The following ZNF699 variants were observed in gnomAD, a reference collection of about 807,000 sequenced individuals.
The protein encoded by ZNF699 is zinc finger protein 699.
ZNF699 carries 18 observed loss-of-function variants against 22.5 expected under a neutral mutation model. That is an observed-to-expected ratio of 0.80 (90% CI 0.55 to 1.19). The LOEUF is 1.19. Among genes scored for constraint, ZNF699 ranks in the 50% most tolerant of loss-of-function variants. The probability of loss-of-function intolerance (pLI) is 0.00; values close to 1 mark genes in which losing one functional copy is unlikely to be tolerated. For synonymous variants in ZNF699, 241 were observed against 262.3 expected (o/e 0.92, Z 0.78); for missense variants, 670 against 763.4 (o/e 0.88, Z 1.44).
intron 1 of ZNF699, among the ~76,000 whole-genome samples, chr19:9,306,291 C>T (rs994746103): frequency 1.6e-4 from 24 of 151,906 alleles, no homozygotes; most frequent in African/African-American, 5.3e-4. Flanking sequence ...ACTCAGGAGG[C>T]TGAGGCAGGA....
Position 9,297,984 on chromosome 19 carries a change from G to A in ZNF699, c.182C>T (p.Pro61Leu), listed in dbSNP as rs201119977. 1,249 of 1,605,518 alleles carry A rather than the reference G, an allele frequency of 7.8e-4. 1 individual carries two copies. Among genetic ancestry groups the A allele is most frequent in the Non-Finnish European group, 9.6e-4 (1,131 of 1,173,276 alleles). The change falls in exon 4 of 6, where the codon CCG becomes CTG. Residue 61 changes from proline (P) to leucine (L), a missense_variant. Pro to Leu is a moderately conservative substitution (Grantham distance 98). Transcript: ENST00000591998. The surrounding 1 kb of genome is among the most constrained non-coding windows in gnomAD (Gnocchi z 4.3). ...GGAGATCAGATGGGGTGTGTGTAGC[G>A]GATACCCTGCACAAGCAGAAAGGCA... The part of the protein sequence containing the change: ...NFQNLASLGY[P>L]LHTPHLISQW...
rs147830909 is a variant in ZNF699, at chr19:9,292,607, T to G, written c.*2868A>C. Among the ~76,000 whole-genome samples, 1 of 152,250 alleles carries G rather than the reference T, an allele frequency of 6.6e-6. No homozygotes were observed. Among genetic ancestry groups the G allele is most frequent in the East Asian group, 1.9e-4 (1 of 5,190 alleles). On this transcript the variant is annotated 3_prime_UTR_variant, in exon 6 of 6. Coordinates refer to ENST00000591998, the MANE Select transcript of ZNF699 (RefSeq NM_198535.3). ...CTCGTTATACCCAAGGACTTTTTAG[T>G]AATAAATTATTTAAACCAACAAATT...
Position 9,302,303 on chromosome 19 carries a change from T to A in ZNF699, c.175+75A>T. The A allele has an allele frequency of 2.6e-6, 4 of 1,564,166 alleles. No homozygotes were observed. The South Asian group carries it at 4.5e-5, about 17-fold the overall frequency. On this transcript the variant is annotated intron_variant, in intron 3 of 5. Coordinates refer to ENST00000591998, the MANE Select transcript of ZNF699 (RefSeq NM_198535.3). ...ATGTCTTCCCATTCCTCAGCCCAAA[T>A]CCTAGAATAAAGTCAATTTAGTGAG...
At chr19:9,298,620 AG>A (rs1481253052) in intron 3 of ZNF699, among the ~76,000 whole-genome samples, 1 of 152,194 alleles carries the variant, frequency 6.6e-6, no homozygotes, top group East Asian at 1.9e-4. Flanking sequence ...TCTTGGATAA[AG>A]TTACTCTGAA....
At chr19:9,306,000 C>A (rs2066326447) in intron 1 of ZNF699, among the ~76,000 whole-genome samples, 1 of 148,948 alleles carries the variant, frequency 6.7e-6, no homozygotes, top group African/African-American at 2.4e-5. Context: ...CCGCGCCTGG[C>A]CAAGCATCAG....
At chr19:9,301,645 A>T (rs894895610) in intron 3 of ZNF699, among the ~76,000 whole-genome samples, 8 of 152,226 alleles carry the variant, frequency 5.3e-5, no homozygotes, top group African/African-American at 9.6e-5. Context: ...TTACTAGGAC[A>T]TGTAAGAGGC....
chr19:9,308,029 A>G (rs891854306), intron 1 of ZNF699, among the ~76,000 whole-genome samples: 1 of 152,176 alleles, frequency 6.6e-6, no homozygotes, highest in Non-Finnish European at 1.5e-5. Context: ...AAGTTTAGAA[A>G]GAAAATAGAA....
chr19:9,302,561 A>T (rs2066311706), intron 2 of ZNF699, 57 bp from the exon 3 acceptor site: 6 of 1,516,582 alleles, frequency 4.0e-6, no homozygotes, highest in African/African-American at 1.4e-5. Context: ...TGTGTACAAG[A>T]GGACAGATGA....
At chr19:9,301,641 G>C (rs1249189465) in intron 3 of ZNF699, among the ~76,000 whole-genome samples, 1 of 152,164 alleles carries the variant, frequency 6.6e-6, no homozygotes, top group Non-Finnish European at 1.5e-5. Flanking sequence ...CATCTTACTA[G>C]GACATGTAAG....
chr19:9,295,964 A>G lies in ZNF699; in HGVS notation c.1440T>C (p.Cys480=). ...ATGAGGAACGACTAAAGGTCTTCCC[A>G]CACTCCTTACATTCATACTGTATCT... The part of the protein sequence containing the change: ...TGKIQYECKE[C]GKTFSRSSSL... Residue 480 remains cysteine, a synonymous_variant, in exon 6 of 6, where the codon TGT becomes TGC. Transcript: ENST00000591998. The G allele has an allele frequency of 6.2e-7, 1 of 1,614,084 alleles. No homozygotes were observed. Among genetic ancestry groups the G allele is most frequent in the Non-Finnish European group, 8.5e-7 (1 of 1,180,036 alleles).
chr19:9,293,404 T>C lies in ZNF699; in HGVS notation c.*2071A>G, dbSNP rs1311693145. ...ATACCTACCAAAACTAAATTTAAAGTCTACCCTATGATTCAGTAAATTCAT... is the reference window on the plus strand; with the variant it reads ...ATACCTACCAAAACTAAATTTAAAGCCTACCCTATGATTCAGTAAATTCAT... On this transcript the variant is annotated 3_prime_UTR_variant, in exon 6 of 6. Coordinates refer to ENST00000591998, the MANE Select transcript of ZNF699 (RefSeq NM_198535.3). Among the ~76,000 whole-genome samples the C allele has an allele frequency of 6.6e-6, 1 of 152,178 alleles. No homozygotes were observed. Among genetic ancestry groups the C allele is most frequent in the South Asian group, 2.1e-4 (1 of 4,832 alleles).
At chr19:9,307,629 A>G (rs2144985891) in intron 1 of ZNF699, among the ~76,000 whole-genome samples, 1 of 152,228 alleles carries the variant, frequency 6.6e-6, no homozygotes, top group African/African-American at 2.4e-5. Context: ...ATATATTTAT[A>G]AGCATTATCA....
At chr19:9,304,366 C>T (rs932914323) in intron 2 of ZNF699, among the ~76,000 whole-genome samples, 3 of 151,744 alleles carry the variant, frequency 2.0e-5, no homozygotes, top group Non-Finnish European at 2.9e-5. Flanking sequence ...AAAAATACAC[C>T]GAGAGAAAAG....
intron 1 of ZNF699, among the ~76,000 whole-genome samples, chr19:9,308,013 G>A (rs1448538845): frequency 6.6e-6 from 1 of 150,778 alleles, no homozygotes; most frequent in Non-Finnish European, 1.5e-5. Context: ...ATAAAGACCA[G>A]CATAAAAGTT....
At chr19:9,303,564 C>T (rs1181180299) in intron 2 of ZNF699, among the ~76,000 whole-genome samples, 1 of 152,178 alleles carries the variant, frequency 6.6e-6, no homozygotes, top group Non-Finnish European at 1.5e-5. Flanking sequence ...AACCACCACA[C>T]GTCCAGCTAT....
intron 3 of ZNF699, among the ~76,000 whole-genome samples, chr19:9,299,682 A>T (rs2066300043): frequency 6.6e-6 from 1 of 152,180 alleles, no homozygotes; most frequent in African/African-American, 2.4e-5. Flanking sequence ...AACATTAAAA[A>T]TTTCTGCCCT....
rs2066270446 is a variant in ZNF699 at position 9,292,975 on chromosome 19, A to G, written c.*2500T>C. Among the ~76,000 whole-genome samples, 2 of 152,056 alleles carry G rather than the reference A, an allele frequency of 1.3e-5. No individual in the cohort carries two copies. Among genetic ancestry groups the G allele is most frequent in the Admixed American group, 1.3e-4 (2 of 15,272 alleles). On this transcript the variant is annotated 3_prime_UTR_variant, in exon 6 of 6. Coordinates refer to ENST00000591998, the MANE Select transcript of ZNF699 (RefSeq NM_198535.3). ...CATGGTGAAACCCCGTCTCTACTAAAAAATACAAAAATTAGCCAGGTGTGG... is the reference window on the plus strand; with the variant it reads ...CATGGTGAAACCCCGTCTCTACTAAGAAATACAAAAATTAGCCAGGTGTGG...
Position 9,296,923 on chromosome 19 carries a change from C to T in ZNF699, c.481G>A (p.Val161Ile), listed in dbSNP as rs773954990. ...TCATAACATTCATAGATGTTCTCTA[C>T]CATATGATTTCTTTTAAAAATAAAA... ...SHERHLRNHM[V>I]ENIYECYEEN... is the part of the protein sequence containing the mutation. The change falls in exon 6 of 6, where the codon GTA (valine) becomes ATA (isoleucine). Residue 161 changes from valine to isoleucine, a missense_variant. Transcript: ENST00000591998. 17 of 1,585,380 alleles carry T rather than the reference C, an allele frequency of 1.1e-5. No individual in the cohort carries two copies. The Admixed American group carries it at 3.1e-4, about 29-fold the overall frequency.
rs2066275265 is a variant in ZNF699 at position 9,293,876 on chromosome 19, A to T, written c.*1599T>A. Among the ~76,000 whole-genome samples, 1 of 152,158 alleles carries T rather than the reference A, an allele frequency of 6.6e-6. No individual in the cohort carries two copies. The highest frequency in any genetic ancestry group is 1.5e-5 in the Non-Finnish European group (1 of 68,032). ...AGTAGTAGATTATACTTTTAAAGGG[A>T]AAATATAATACTGTAGCTAAAGGTA... On this transcript the variant is annotated 3_prime_UTR_variant, in exon 6 of 6. Coordinates refer to ENST00000591998, the MANE Select transcript of ZNF699 (RefSeq NM_198535.3).
Sources: allele counts gnomAD v4.1 joint callset (sites outside exome capture counted in the v4.1 genomes callset), GRCh38; gene constraint gnomAD v4.1.1; non-coding constraint Gnocchi (gnomAD v3.1); transcripts MANE v1.5; gene names NCBI Gene and HGNC (gene_info 2026-07-23, HGNC 2026-07-21).